The following WWOX variants were observed in gnomAD, a reference collection of about 807,000 sequenced individuals.
WWOX encodes WW domain-containing oxidoreductase.
WWOX carries 69 observed loss-of-function variants against 46.2 expected under a neutral mutation model. That is an observed-to-expected ratio of 1.49 (90% CI 1.23 to 1.82). The LOEUF is 1.82. Among genes scored for constraint, WWOX ranks in the 40% most tolerant of loss-of-function variants. WWOX has a pLI of 0.00. For synonymous variants in WWOX, 359 were observed against 202.6 expected (o/e 1.77, Z -6.56); for missense variants, 919 against 542.6 (o/e 1.69, Z -6.89).
At position 78,935,648 on chromosome 16, in the gene WWOX, C is replaced by G. The variant is rs566169813; in HGVS notation, c.1057-275960C>G. ...AGAAGGATAGCATTAGGAGATATAT[C>G]TAATGTAAATGACGAGTTAATGGGT... On this transcript the variant is annotated intron_variant, in intron 8 of 8. Transcript: ENST00000566780. 1.2e-4 allele frequency among the ~76,000 whole-genome samples: 18 copies of G among 152,010 alleles called. No individual in the cohort carries two copies. In the East Asian group the frequency reaches 3.1e-3, roughly 26 times the overall value.
intron 4 of WWOX, among the ~76,000 whole-genome samples, chr16:78,145,308 T>A (rs753353637): frequency 6.6e-6 from 1 of 152,228 alleles, no homozygotes; most frequent in East Asian, 1.9e-4. Flanking sequence ...GGAAGCCAGT[T>A]TGAGTCCTCA....
rs1002761402 is a variant in WWOX at position 79,156,403 on chromosome 16, C to T, written c.1057-55205C>T. Reference sequence around the variant, plus strand: ...CTCGAACTCCTGACCTCAAGTGATTCACCCGCCTCAGCCTCCCAAAGTGCT... The same window carrying T: ...CTCGAACTCCTGACCTCAAGTGATTTACCCGCCTCAGCCTCCCAAAGTGCT... On this transcript the variant is annotated intron_variant, in intron 8 of 8. Coordinates refer to ENST00000566780, the MANE Select transcript of WWOX (RefSeq NM_016373.4). 2.0e-5 allele frequency among the ~76,000 whole-genome samples: 3 copies of T among 152,202 alleles called. No homozygotes were observed. In the East Asian group the frequency reaches 5.8e-4, roughly 29 times the overall value.
intron 8 of WWOX, among the ~76,000 whole-genome samples, chr16:78,784,914 C>G (rs1175895484): frequency 6.6e-6 from 1 of 152,166 alleles, no homozygotes; most frequent in Non-Finnish European, 1.5e-5. Flanking sequence ...TACTCACAAC[C>G]TATGACCACA....
At chr16:78,101,740 G>C (rs914951773) in intron 1 of WWOX, among the ~76,000 whole-genome samples, 1 of 152,190 alleles carries the variant, frequency 6.6e-6, no homozygotes, top group African/African-American at 2.4e-5. Flanking sequence ...TTGGTGGCAA[G>C]GTAGAGGAAA....
intron 5 of WWOX, among the ~76,000 whole-genome samples, chr16:78,277,876 A>G (rs4243149): frequency 0.72 from 109,881 of 152,170 alleles, 41,352 homozygotes; most frequent in East Asian, 1. Flanking sequence ...AATATTACGA[A>G]TCATAGCACA....
chr16:78,598,165 G>T (rs905679831), intron 8 of WWOX, among the ~76,000 whole-genome samples: 1 of 152,098 alleles, frequency 6.6e-6, no homozygotes, highest in African/African-American at 2.4e-5. Context: ...ATAATAGGAG[G>T]AACTGATTTT....
rs557382804 is a variant in WWOX at position 79,036,766 on chromosome 16, A to T, written c.1057-174842A>T. On this transcript the variant is annotated intron_variant, in intron 8 of 8. Coordinates refer to ENST00000566780, the MANE Select transcript of WWOX (RefSeq NM_016373.4). ...TGGGAAGAGTAAACAGGCATGCTGC[A>T]TATCTGTCATCATGGCTCTGAGTGT... Among the ~76,000 whole-genome samples, 42 of 152,332 alleles carry T rather than the reference A, an allele frequency of 2.8e-4. 1 individual carries two copies. Among genetic ancestry groups the T allele is most frequent in the African/African-American group, 1.0e-3 (42 of 41,568 alleles).
At chr16:78,381,519 G>A (rs868829273) in intron 5 of WWOX, among the ~76,000 whole-genome samples, 1 of 151,184 alleles carries the variant, frequency 6.6e-6, no homozygotes, top group Non-Finnish European at 1.5e-5. Context: ...TGCTTCACAT[G>A]TGGGATGCCA....
intron 8 of WWOX, among the ~76,000 whole-genome samples, chr16:78,964,345 G>C (rs985172512): frequency 6.6e-6 from 1 of 152,214 alleles, no homozygotes; most frequent in Non-Finnish European, 1.5e-5. Flanking sequence ...GGTGGTCTCA[G>C]ATGGAGATGA....
chr16:79,056,686 C>T (rs1257109815), intron 8 of WWOX, among the ~76,000 whole-genome samples: 2 of 152,206 alleles, frequency 1.3e-5, no homozygotes, highest in South Asian at 2.1e-4. Flanking sequence ...GCCAATCCCC[C>T]TCCATTAAGG....
At chr16:78,131,717 G>C (rs1057094961) in intron 4 of WWOX, among the ~76,000 whole-genome samples, 3 of 151,872 alleles carry the variant, frequency 2.0e-5, no homozygotes, top group African/African-American at 4.8e-5. Context: ...GAGTAGCTGG[G>C]ATTACAGGTG....
chr16:79,044,314 G>T (rs1463774025), intron 8 of WWOX, among the ~76,000 whole-genome samples: 1 of 152,180 alleles, frequency 6.6e-6, no homozygotes, highest in African/African-American at 2.4e-5. Flanking sequence ...CCTGCCCAAA[G>T]CTCATGTCAA....
At chr16:78,929,750 A>G (rs1303648698) in intron 8 of WWOX, among the ~76,000 whole-genome samples, 2 of 152,084 alleles carry the variant, frequency 1.3e-5, no homozygotes, top group African/African-American at 2.4e-5. Context: ...TGGAAAGATG[A>G]GGTTGCAGAG....
chr16:78,765,450 G>A (rs1364216173), intron 8 of WWOX, among the ~76,000 whole-genome samples: 3 of 152,152 alleles, frequency 2.0e-5, no homozygotes, highest in Admixed American at 6.5e-5. Flanking sequence ...AGGCTGAGGC[G>A]GGTGGACCAC....
intron 8 of WWOX, among the ~76,000 whole-genome samples, chr16:79,083,499 G>A (rs865776275): frequency 6.6e-6 from 1 of 152,132 alleles, no homozygotes; most frequent in African/African-American, 2.4e-5. Context: ...GTAGAACCTA[G>A]CCTATCTCAC....
At chr16:79,014,283 C>T (rs1329246509) in intron 8 of WWOX, among the ~76,000 whole-genome samples, 3 of 152,096 alleles carry the variant, frequency 2.0e-5, no homozygotes, top group African/African-American at 4.8e-5. Context: ...CATGCCCACC[C>T]GGTGATTTAT....
intron 8 of WWOX, among the ~76,000 whole-genome samples, chr16:79,191,161 C>T (rs546695889): frequency 6.6e-6 from 1 of 152,298 alleles, no homozygotes; most frequent in African/African-American, 2.4e-5. Flanking sequence ...TCAAGCGATT[C>T]TTCTGCCTCA....
chr16:78,546,816 A>G (rs1294582856), intron 8 of WWOX, among the ~76,000 whole-genome samples: 1 of 152,278 alleles, frequency 6.6e-6, no homozygotes, highest in Admixed American at 6.5e-5. Context: ...CCTGGGCACA[A>G]CAGTAGTTGT....
chr16:79,040,391 C>A (rs1431419998), intron 8 of WWOX, among the ~76,000 whole-genome samples: 1 of 151,510 alleles, frequency 6.6e-6, no homozygotes, highest in African/African-American at 2.4e-5. Context: ...CCTCCTGCCT[C>A]AGCCTCATGA....
Sources: gnomAD v4.1 joint callset for allele counts (sites outside exome capture counted in the v4.1 genomes callset) on GRCh38, gnomAD v4.1.1 for gene constraint, MANE v1.5 for transcripts, NCBI Gene and HGNC (gene_info 2026-07-23, HGNC 2026-07-21) for gene names.